SOX5: variants seen among roughly 807,000 people sequenced by gnomAD.
SOX5 encodes SRY-box transcription factor 5.
A neutral mutation model predicts 92.0 loss-of-function variants in SOX5; 9 were observed. The observed-to-expected ratio is 0.10, with a 90% CI of 0.06 to 0.17. The LOEUF (loss-of-function observed/expected upper bound fraction) is 0.17. Among genes scored for constraint, SOX5 ranks in the 10% least tolerant of loss-of-function variants. The pLI, the probability that SOX5 is intolerant of heterozygous loss-of-function variation, is 1.00. For missense variants in SOX5, 642 were observed against 944.5 expected (o/e 0.68, Z 4.20); for synonymous variants, 344 against 336.3 (o/e 1.02, Z -0.25).
At chr12:24,296,750 C>T (rs2140571580) in intron 2 of SOX5, among the ~76,000 whole-genome samples, 1 of 150,318 alleles carries the variant, frequency 6.7e-6, no homozygotes, top group East Asian at 2.0e-4. Flanking sequence ...ATTTCTTGTC[C>T]TAACTAAGGC....
intron 4 of SOX5, among the ~76,000 whole-genome samples, chr12:24,174,146 C>T (rs1431549173): frequency 2.6e-5 from 4 of 151,984 alleles, no homozygotes; most frequent in African/African-American, 4.8e-5. Flanking sequence ...TACTAGTGTG[C>T]CCCACCATAC....
chr12:23,868,571 G>A (rs747019148), intron 2 of SOX5, among the ~76,000 whole-genome samples: 7 of 151,996 alleles, frequency 4.6e-5, no homozygotes, highest in Non-Finnish European at 1.0e-4. Context: ...ACACATAGCA[G>A]ACCAAAAAAT....
chr12:24,506,619 CT>C (rs956108180), intron 1 of SOX5, among the ~76,000 whole-genome samples: 82 of 151,916 alleles, frequency 5.4e-4, no homozygotes, highest in African/African-American at 1.9e-3. Flanking sequence ...GGGAGAGTGG[CT>C]ATAGTTTGGC....
rs1298048648 is a variant in SOX5 at position 23,530,816 on chromosome 12, T to C, written c.*3403A>G. 13 of 132,646 alleles carry C rather than the reference T, an allele frequency of 9.8e-5. No individual in the cohort carries two copies. Among genetic ancestry groups the C allele is most frequent in the African/African-American group, 2.7e-4 (10 of 37,562 alleles). 8.2% of individuals were successfully genotyped at this position (132,646 alleles called of 1,614,324 possible). A position where few individuals can be genotyped will look rare whatever the true frequency, so the allele number is the denominator to read the frequency against. ...TGGGGCAAGTGTGTGTGTGTGTGTG[T>C]GTGCGCGCGCGCGCGCGCGCATGTG... On this transcript the variant is annotated 3_prime_UTR_variant, in exon 15 of 15. Transcript: ENST00000451604.
chr12:24,279,191 C>T (rs12829360), intron 2 of SOX5, among the ~76,000 whole-genome samples: 31,570 of 151,892 alleles, frequency 0.21, 3,405 homozygotes, highest in Non-Finnish European at 0.24. Flanking sequence ...TCAATGATAA[C>T]ATATCACTAT....
At chr12:24,306,074 C>T (rs1508226) in intron 2 of SOX5, among the ~76,000 whole-genome samples, 10,358 of 152,222 alleles carry the variant, frequency 0.068, 444 homozygotes, top group Non-Finnish European at 0.11. Flanking sequence ...TCAGCAGGTG[C>T]AAATTGTGTA....
chr12:24,263,538 A>AAC (rs1942525488), intron 3 of SOX5, among the ~76,000 whole-genome samples: 1 of 137,438 alleles, frequency 7.3e-6, no homozygotes, highest in Non-Finnish European at 1.6e-5. Flanking sequence ...AAAAAAAAAA[A>AAC]AACAAAAAAA....
chr12:23,554,254 A>G (rs1210826241), intron 11 of SOX5, among the ~76,000 whole-genome samples: 1 of 152,082 alleles, frequency 6.6e-6, no homozygotes, highest in African/African-American at 2.4e-5. Context: ...TGCGCAGTGA[A>G]GACAGGAAGA....
intron 4 of SOX5, among the ~76,000 whole-genome samples, chr12:24,051,199 C>G (rs4963741): frequency 0.91 from 139,117 of 152,216 alleles, 64,593 homozygotes; most frequent in Non-Finnish European, 1. Flanking sequence ...TTTTTTCTTT[C>G]ACCCAGGTAG....
At chr12:24,332,766 A>G (rs997836475) in intron 2 of SOX5, among the ~76,000 whole-genome samples, 4 of 152,096 alleles carry the variant, frequency 2.6e-5, no homozygotes, top group Non-Finnish European at 4.4e-5. Context: ...TGAAATCTAC[A>G]CTGACACTGG....
rs933352620 is a variant in SOX5, at chr12:23,532,207, AAAAC to A, written c.*2008_*2011del. ...AAGTCATCAAAAACAAACAAACAGA[AAAAC>A]AAACAAAATGAAATCTCTGACATGC... On this transcript the variant is annotated 3_prime_UTR_variant, in exon 15 of 15. Coordinates refer to ENST00000451604, the MANE Select transcript of SOX5 (RefSeq NM_006940.6). 1 of 152,044 alleles carries A rather than the reference AAAAC, an allele frequency of 6.6e-6. No homozygotes were observed. The highest frequency in any genetic ancestry group is 6.6e-5 in the Admixed American group (1 of 15,252). 9.4% of individuals were successfully genotyped at this position (152,044 alleles called of 1,614,324 possible).
rs140108791 is a variant in SOX5 at position 24,141,180 on chromosome 12, T to A, written c.-2+72163A>T. Among the ~76,000 whole-genome samples, 436 of 152,354 alleles carry A rather than the reference T, an allele frequency of 2.9e-3. 1 individual carries two copies. The highest frequency in any genetic ancestry group is 0.01 in the African/African-American group (416 of 41,594). On this transcript the variant is annotated intron_variant, in intron 4 of 4. Transcript: ENST00000446891. ...TCATGGCTAAAAAACAAGGTATATA[T>A]GGAATGTTTTTTTAAACATCCTTTT...
chr12:24,208,032 G>A (rs1237119483), intron 4 of SOX5, among the ~76,000 whole-genome samples: 3 of 152,052 alleles, frequency 2.0e-5, no homozygotes, highest in African/African-American at 4.8e-5. Flanking sequence ...TGAATTGCAA[G>A]GCCTTTATTT....
At chr12:23,825,515 A>T (rs2096213979) in intron 3 of SOX5, among the ~76,000 whole-genome samples, 2 of 152,124 alleles carry the variant, frequency 1.3e-5, no homozygotes, top group African/African-American at 4.8e-5. Context: ...AGCAGTTCCT[A>T]TTCGGCCATC....
chr12:23,975,589 T>G (rs1038018729), intron 4 of SOX5, among the ~76,000 whole-genome samples: 1 of 152,166 alleles, frequency 6.6e-6, no homozygotes, highest in Non-Finnish European at 1.5e-5. Flanking sequence ...ATGTCATGAT[T>G]AAGCCATGGG....
intron 2 of SOX5, among the ~76,000 whole-genome samples, chr12:23,881,001 A>G (rs1427344011): frequency 6.6e-6 from 1 of 152,078 alleles, no homozygotes; most frequent in Admixed American, 6.5e-5. Flanking sequence ...ATTTTTTTCT[A>G]TAATTATTTA....
At chr12:23,966,565 C>T (rs1947608555) in intron 4 of SOX5, among the ~76,000 whole-genome samples, 2 of 151,956 alleles carry the variant, frequency 1.3e-5, no homozygotes, top group Admixed American at 6.6e-5. Context: ...ATATACATAC[C>T]AGCCAGGTAT....
At chr12:24,356,029 T>TAA (rs150938174) in intron 2 of SOX5, among the ~76,000 whole-genome samples, 16 of 151,926 alleles carry the variant, frequency 1.1e-4, no homozygotes, top group African/African-American at 3.9e-4. Flanking sequence ...TTCAAAAGGA[T>TAA]AAAAAAGGGG....
chr12:24,148,850 A>G (rs1951375132), intron 4 of SOX5, among the ~76,000 whole-genome samples: 1 of 148,858 alleles, frequency 6.7e-6, no homozygotes, highest in African/African-American at 2.5e-5. Flanking sequence ...TGATCACACC[A>G]TTGCACCACA....
Sources: gnomAD v4.1 joint callset for allele counts (sites outside exome capture counted in the v4.1 genomes callset) on GRCh38, gnomAD v4.1.1 for gene constraint, MANE v1.5 for transcripts, NCBI Gene and HGNC (gene_info 2026-07-23, HGNC 2026-07-21) for gene names.